SLC39A11: variants seen among roughly 807,000 people sequenced by gnomAD.
The protein encoded by SLC39A11 is zinc transporter ZIP11.
Under a neutral mutation model 36.1 loss-of-function variants are expected in SLC39A11, and 33 were observed. The observed-to-expected ratio is 0.91, with a 90% CI of 0.69 to 1.22. SLC39A11 has a LOEUF of 1.22. Among genes scored for constraint, SLC39A11 ranks in the 50% most tolerant of loss-of-function variants. The pLI, the probability that SLC39A11 is intolerant of heterozygous loss-of-function variation, is 0.00. For synonymous variants in SLC39A11, 166 were observed against 170.3 expected (o/e 0.97, Z 0.20); for missense variants, 432 against 430.3 (o/e 1.00, Z -0.03).
At chr17:72,693,724 G>A (rs1413865523) in intron 7 of SLC39A11, among the ~76,000 whole-genome samples, 4 of 152,080 alleles carry the variant, frequency 2.6e-5, no homozygotes, top group African/African-American at 7.2e-5. Flanking sequence ...GTACAATGGC[G>A]CAATCTCGGC....
At chr17:72,693,127 A>G (rs191443105) in intron 7 of SLC39A11, among the ~76,000 whole-genome samples, 90 of 152,358 alleles carry the variant, frequency 5.9e-4, no homozygotes, top group Middle Eastern at 6.8e-3. Flanking sequence ...AGGGAAAATA[A>G]TGAATCTCAA....
chr17:72,920,223 A>G (rs2083576384), intron 5 of SLC39A11, among the ~76,000 whole-genome samples: 1 of 152,078 alleles, frequency 6.6e-6, no homozygotes, highest in South Asian at 2.1e-4. Context: ...CACAACAGCC[A>G]GGGTGATCCT....
chr17:73,081,670 C>CATATATGTATATATATGTATGT (rs1568242944), intron 3 of SLC39A11, among the ~76,000 whole-genome samples: 3 of 82,206 alleles, frequency 3.6e-5, no homozygotes, highest in Non-Finnish European at 7.0e-5. Flanking sequence ...CACACACACA[C>CATATATGTATATATATGTATGT]ATATATATAC....
chr17:72,964,665 T>C (rs2086837380), intron 4 of SLC39A11, among the ~76,000 whole-genome samples: 1 of 152,196 alleles, frequency 6.6e-6, no homozygotes. Flanking sequence ...AACTGTAAAC[T>C]AGTTCAACCA....
intron 7 of SLC39A11, among the ~76,000 whole-genome samples, chr17:72,660,672 G>T (rs564527468): frequency 1.3e-5 from 2 of 152,314 alleles, no homozygotes; most frequent in East Asian, 3.9e-4. Flanking sequence ...GACTCAGGGG[G>T]TTTCGAGCCA....
In SLC39A11 at chr17:72,861,486, G is replaced by A. The variant is rs190340843; in HGVS notation, c.431-11682C>T. Among the ~76,000 whole-genome samples, 16 of 151,570 alleles carry A rather than the reference G, an allele frequency of 1.1e-4. No homozygotes were observed. In the East Asian group the frequency reaches 3.1e-3, roughly 30 times the overall value. ...AAGTTTGCACTTCCTAAAAAATGTT[G>A]CAGCCAGGAAGATGGGAATAAAGTA... is the stretch of plus-strand genomic sequence containing the variant. On this transcript the variant is annotated intron_variant, in intron 5 of 9. Coordinates refer to ENST00000255559, the MANE Select transcript of SLC39A11 (RefSeq NM_139177.4).
At chr17:72,778,366 G>A (rs569853171) in intron 6 of SLC39A11, among the ~76,000 whole-genome samples, 95 of 152,322 alleles carry the variant, frequency 6.2e-4, no homozygotes, top group South Asian at 1.7e-3. Flanking sequence ...GACTGCCTCT[G>A]CCCTCTCCTG....
intron 4 of SLC39A11, among the ~76,000 whole-genome samples, chr17:73,021,263 C>T (rs1188479952): frequency 6.6e-6 from 1 of 152,146 alleles, no homozygotes; most frequent in Non-Finnish European, 1.5e-5. Context: ...GCAAGACAGA[C>T]ACGGTCCCAG....
At chr17:72,784,545 C>T (rs1428537975) in intron 6 of SLC39A11, among the ~76,000 whole-genome samples, 1 of 152,058 alleles carries the variant, frequency 6.6e-6, no homozygotes, top group African/African-American at 2.4e-5. Context: ...GCTCAAATAT[C>T]ATGTTGAATT....
chr17:72,803,464 G>T (rs943482869), intron 6 of SLC39A11, among the ~76,000 whole-genome samples: 2 of 152,250 alleles, frequency 1.3e-5, no homozygotes, highest in Admixed American at 1.3e-4. Context: ...CCTGCCTGAG[G>T]CCCAAACAGG....
intron 6 of SLC39A11, among the ~76,000 whole-genome samples, chr17:72,806,097 C>T (rs550194642): frequency 2.0e-5 from 3 of 152,048 alleles, no homozygotes; most frequent in Non-Finnish European, 4.4e-5. Context: ...AGCTGGGAAA[C>T]GAAGAGAGAC....
chr17:72,990,979 T>C (rs2089135748), intron 4 of SLC39A11, among the ~76,000 whole-genome samples: 1 of 152,234 alleles, frequency 6.6e-6, no homozygotes, highest in African/African-American at 2.4e-5. Context: ...ATTTAGTCAA[T>C]AGTTTTTAAG....
intron 6 of SLC39A11, among the ~76,000 whole-genome samples, chr17:72,769,272 C>A (rs941335981): frequency 6.6e-6 from 1 of 152,202 alleles, no homozygotes; most frequent in African/African-American, 2.4e-5. Flanking sequence ...TTCTTTCCAA[C>A]GTGTCACTCA....
At chr17:72,912,181 T>A (rs2083045820) in intron 5 of SLC39A11, among the ~76,000 whole-genome samples, 1 of 152,060 alleles carries the variant, frequency 6.6e-6, no homozygotes, top group South Asian at 2.1e-4. Context: ...AGCAGCTAAG[T>A]AAGCCTCTCT....
chr17:72,929,196 T>C (rs546180659), intron 5 of SLC39A11, among the ~76,000 whole-genome samples: 4 of 152,260 alleles, frequency 2.6e-5, no homozygotes, highest in African/African-American at 9.6e-5. Flanking sequence ...CCCTACCCTA[T>C]CTGCTCCCTT....
At chr17:72,954,465 G>A (rs1451059316) in intron 4 of SLC39A11, among the ~76,000 whole-genome samples, 1 of 152,238 alleles carries the variant, frequency 6.6e-6, no homozygotes, top group African/African-American at 2.4e-5. Flanking sequence ...CACCCAAGGG[G>A]CTTGGGACGT....
At chr17:73,035,863 CAAAAAAAAAAAAA>C (rs1174297357) in intron 3 of SLC39A11, among the ~76,000 whole-genome samples, 1 of 65,554 alleles carries the variant, frequency 1.5e-5, no homozygotes, top group Non-Finnish European at 2.6e-5. Flanking sequence ...CACTCCATCT[CAAAAAAAAAAAAA>C]AAAAAAAAAA....
chr17:73,037,206 G>A (rs1045268260), intron 3 of SLC39A11, among the ~76,000 whole-genome samples: 1 of 152,186 alleles, frequency 6.6e-6, no homozygotes, highest in Non-Finnish European at 1.5e-5. Context: ...GCAGGTATTG[G>A]TGTGGACTGG....
At chr17:72,804,801 C>T (rs1405085510) in intron 6 of SLC39A11, among the ~76,000 whole-genome samples, 2 of 152,122 alleles carry the variant, frequency 1.3e-5, no homozygotes, top group African/African-American at 4.8e-5. Context: ...GGCAGCGGAT[C>T]ACGAGGTCAG....
Sources: allele counts gnomAD v4.1 joint callset (sites outside exome capture counted in the v4.1 genomes callset), GRCh38; gene constraint gnomAD v4.1.1; transcripts MANE v1.5; gene names NCBI Gene and HGNC (gene_info 2026-07-23, HGNC 2026-07-21).